The following THSD7A variants were observed in gnomAD, a reference collection of about 807,000 sequenced individuals.
THSD7A encodes thrombospondin type-1 domain-containing protein 7A.
A neutral mutation model predicts 231.3 loss-of-function variants in THSD7A; 96 were observed. The ratio of observed to expected loss-of-function variants is 0.41; its 90% confidence interval spans 0.35 to 0.49. The LOEUF is 0.49. Ranked by LOEUF, THSD7A falls within the 20% of genes least tolerant of loss-of-function variation. The probability of loss-of-function intolerance (pLI) is 0.05; values close to 1 mark genes in which losing one functional copy is unlikely to be tolerated. For missense variants in THSD7A, 2,290 were observed against 2,070.2 expected, an observed-to-expected ratio of 1.11 and a Z score of -2.06; for synonymous variants, 940 against 743.3, an observed-to-expected ratio of 1.26 and a Z score of -4.30.
chr7:11,781,205 CT>C lies in THSD7A; in HGVS notation c.190+50551del, dbSNP rs1225442675. 7.9e-5 allele frequency among the ~76,000 whole-genome samples: 12 copies of C among 151,460 alleles called. No individual in the cohort carries two copies. The East Asian group carries it at 1.9e-3, about 25-fold the overall frequency. On this transcript the variant is annotated intron_variant, in intron 1 of 27. Transcript: ENST00000423059. Reference sequence around the variant, plus strand: ...CCTGTAATCTCAACACTTTGGAAGGCTGGGTGGGATTGCTTGAAGCCGGGTG... The same window carrying C: ...CCTGTAATCTCAACACTTTGGAAGGCGGGTGGGATTGCTTGAAGCCGGGTG...
intron 1 of THSD7A, among the ~76,000 whole-genome samples, chr7:11,797,410 CTCTTTTTTTT>C (rs965348496): frequency 1.4e-5 from 2 of 140,430 alleles, no homozygotes; most frequent in African/African-American, 5.3e-5. Flanking sequence ...TTCTGCCTCT[CTCTTTTTTTT>C]TTTTTTTTTT....
intron 1 of THSD7A, among the ~76,000 whole-genome samples, chr7:11,704,979 T>G (rs1055194175): frequency 6.6e-6 from 1 of 151,112 alleles, no homozygotes; most frequent in Non-Finnish European, 1.5e-5. Flanking sequence ...TGCACCATAT[T>G]TGAAATGATA....
At chr7:11,526,000 T>C (rs572148255) in intron 6 of THSD7A, among the ~76,000 whole-genome samples, 2 of 152,336 alleles carry the variant, frequency 1.3e-5, no homozygotes, top group East Asian at 3.9e-4. Context: ...GTTCATGGTT[T>C]AGTCTAAAGA....
intron 6 of THSD7A, among the ~76,000 whole-genome samples, chr7:11,482,374 A>C (rs1786463242): frequency 6.6e-6 from 1 of 152,128 alleles, no homozygotes; most frequent in Non-Finnish European, 1.5e-5. Context: ...ACAAATAATG[A>C]CTCTATCCAT....
intron 4 of THSD7A, among the ~76,000 whole-genome samples, chr7:11,560,195 CTTTAT>C (rs1674601788): frequency 1.3e-5 from 2 of 151,990 alleles, no homozygotes; most frequent in Admixed American, 6.6e-5. Context: ...TCATATAAAG[CTTTAT>C]TTTATTTTTT....
rs746958473 is a variant in THSD7A, at chr7:11,636,893, C to T, written c.259G>A (p.Ala87Thr). 7 of 1,613,826 alleles carry T rather than the reference C, an allele frequency of 4.3e-6. No homozygotes were observed. The Admixed American group carries it at 5.0e-5, about 12-fold the overall frequency. ...GGIQTRAVWC[A>T]HVEGWTTLHT... ...AGTGTAGTCCATCCCTCCACATGAG[C>T]ACACCACACAGCCCTCGTTTGGATG... is the stretch of plus-strand genomic sequence containing the variant. Residue 87 changes from alanine to threonine, a missense_variant, in exon 2 of 28, where the codon GCT (alanine) becomes ACT (threonine). Coordinates refer to ENST00000423059, the MANE Select transcript of THSD7A (RefSeq NM_015204.3). This position sits in a 1 kb window ranked among gnomAD's most constrained non-coding sequence, Gnocchi z 10.0.
intron 23 of THSD7A, among the ~76,000 whole-genome samples, chr7:11,398,142 CTCA>C (rs1283147183): frequency 2.6e-5 from 4 of 152,158 alleles, no homozygotes; most frequent in Non-Finnish European, 4.4e-5. Flanking sequence ...AACCCAAATG[CTCA>C]TCAATGATAG....
At chr7:11,679,434 G>C (rs1783778820) in intron 1 of THSD7A, among the ~76,000 whole-genome samples, 1 of 152,100 alleles carries the variant, frequency 6.6e-6, no homozygotes, top group Non-Finnish European at 1.5e-5. Flanking sequence ...TGACTTGATT[G>C]GATATTTAGA....
chr7:11,522,061 C>A (rs10270440), intron 6 of THSD7A, among the ~76,000 whole-genome samples: 18,114 of 151,946 alleles, frequency 0.12, 1,305 homozygotes, highest in African/African-American at 0.2. Context: ...AAGCTGTGAC[C>A]AAAATTAGGA....
At chr7:11,423,133 C>T (rs1008103377) in intron 16 of THSD7A, among the ~76,000 whole-genome samples, 3 of 152,006 alleles carry the variant, frequency 2.0e-5, no homozygotes, top group Non-Finnish European at 4.4e-5. Flanking sequence ...ATATTAAGGT[C>T]CTCAGAGAAA....
At chr7:11,601,600 G>C (rs1019048637) in intron 2 of THSD7A, among the ~76,000 whole-genome samples, 4 of 152,168 alleles carry the variant, frequency 2.6e-5, no homozygotes, top group African/African-American at 9.7e-5. Flanking sequence ...AACTCATCTT[G>C]CATCTGAACT....
chr7:11,527,563 C>G (rs879447304), intron 6 of THSD7A, among the ~76,000 whole-genome samples: 3 of 152,164 alleles, frequency 2.0e-5, no homozygotes, highest in Non-Finnish European at 2.9e-5. Context: ...ACTTTGCACT[C>G]TATCAAGAAA....
chr7:11,786,238 T>C (rs988227199), intron 1 of THSD7A, among the ~76,000 whole-genome samples: 8 of 152,106 alleles, frequency 5.3e-5, no homozygotes, highest in Non-Finnish European at 1.0e-4. Context: ...CTTCCTTACC[T>C]TCCTCCACAA....
chr7:11,831,776 G>A lies in THSD7A; in HGVS notation c.171C>T (p.Thr57=), dbSNP rs1785200180. ...AAAQGEAEAP[T]LYLWKTGPWG... Reference sequence around the variant, plus strand: ...ACTTACCAGTCTTCCACAGATAGAGGGTGGGCGCCTCCGCCTCGCCCTGCG... The same window carrying A: ...ACTTACCAGTCTTCCACAGATAGAGAGTGGGCGCCTCCGCCTCGCCCTGCG... The change falls in exon 1 of 28, where the codon ACC becomes ACT. Residue 57 remains threonine, a synonymous_variant. Coordinates refer to ENST00000423059, the MANE Select transcript of THSD7A (RefSeq NM_015204.3). This position sits in a 1 kb window ranked among gnomAD's most constrained non-coding sequence, Gnocchi z 5.0. The A allele has an allele frequency of 2.0e-6, 3 of 1,480,916 alleles. No homozygotes were observed. Among genetic ancestry groups the A allele is most frequent in the Non-Finnish European group, 9.0e-7 (1 of 1,112,368 alleles). 91.7% of individuals were successfully genotyped at this position (1,480,916 alleles called of 1,614,324 possible). A position where few individuals can be genotyped will look rare whatever the true frequency, so the allele number is the denominator to read the frequency against.
intron 4 of THSD7A, among the ~76,000 whole-genome samples, chr7:11,566,965 T>TA: frequency 0.45 from 41,904 of 93,066 alleles, 13,750 homozygotes; most frequent in Admixed American, 0.65. Context: ...TGTGGGAGAG[T>TA]GGGGGGGGGA....
chr7:11,437,860 G>A (rs189186286), intron 13 of THSD7A, among the ~76,000 whole-genome samples: 37 of 152,050 alleles, frequency 2.4e-4, no homozygotes, highest in African/African-American at 8.9e-4. Context: ...ATGGTTGAGT[G>A]GTCAGGTGGG....
intron 2 of THSD7A, among the ~76,000 whole-genome samples, chr7:11,611,551 CATT>C (rs746298611): frequency 3.3e-5 from 5 of 151,622 alleles, no homozygotes; most frequent in East Asian, 3.9e-4. Flanking sequence ...TACCTATCAT[CATT>C]GATTTAATGG....
intron 1 of THSD7A, among the ~76,000 whole-genome samples, chr7:11,658,171 G>A (rs1782780839): frequency 1.3e-5 from 2 of 151,888 alleles, no homozygotes; most frequent in Middle Eastern, 6.8e-3. Flanking sequence ...AACTGAAGCA[G>A]CTGCTGAAAG....
chr7:11,428,894 C>A, intron 14 of THSD7A, 53 bp downstream of exon 14: 1 of 1,531,432 alleles, frequency 6.5e-7, no homozygotes, highest in Non-Finnish European at 8.7e-7. Flanking sequence ...GAGAAAAAAT[C>A]AGATCATTGT....
Sources: allele counts gnomAD v4.1 joint callset (sites outside exome capture counted in the v4.1 genomes callset), GRCh38; gene constraint gnomAD v4.1.1; non-coding constraint Gnocchi (gnomAD v3.1); transcripts MANE v1.5; gene names NCBI Gene and HGNC (gene_info 2026-07-23, HGNC 2026-07-21).